The following GPC5 variants were observed in gnomAD, a reference collection of about 807,000 sequenced individuals.
GPC5 encodes glypican 5, also known as glypican-5.
GPC5 carries 47 observed loss-of-function variants against 53.9 expected under a neutral mutation model. The observed-to-expected ratio is 0.87, with a 90% confidence interval of 0.69 to 1.11. The LOEUF is 1.11. Ranked by LOEUF, GPC5 falls within the 50% of genes most tolerant of loss-of-function variation. The pLI, the probability that GPC5 is intolerant of heterozygous loss-of-function variation, is 0.00. For synonymous variants in GPC5, 286 were observed against 263.3 expected, an observed-to-expected ratio of 1.09 and a Z score of -0.84; for missense variants, 748 against 713.1, an observed-to-expected ratio of 1.05 and a Z score of -0.56.
intron 2 of GPC5, among the ~76,000 whole-genome samples, chr13:91,649,607 T>C (rs16946392): frequency 0.064 from 9,767 of 152,254 alleles, 1,051 homozygotes; most frequent in African/African-American, 0.22. Context: ...ACAGGACTTA[T>C]ATTTGCAATC....
At chr13:91,419,725 T>C (rs1878476439) in intron 1 of GPC5, among the ~76,000 whole-genome samples, 1 of 152,126 alleles carries the variant, frequency 6.6e-6, no homozygotes, top group African/African-American at 2.4e-5. Context: ...TAACAAGACG[T>C]ATTAGATTGA....
chr13:91,992,905 T>C (rs2040470293), intron 6 of GPC5, among the ~76,000 whole-genome samples: 1 of 152,140 alleles, frequency 6.6e-6, no homozygotes, highest in African/African-American at 2.4e-5. Context: ...TCATTCATGG[T>C]CACATGAAAA....
intron 6 of GPC5, among the ~76,000 whole-genome samples, chr13:92,014,371 T>C (rs1245843774): frequency 2.0e-5 from 3 of 152,218 alleles, no homozygotes; most frequent in African/African-American, 7.2e-5. Flanking sequence ...TTGGTGATCG[T>C]AATTCTTCAG....
rs78479864 is a variant in GPC5 at position 91,475,608 on chromosome 13, A to G, written c.325+26686A>G. Among the ~76,000 whole-genome samples the G allele has an allele frequency of 5.5e-3, 845 of 152,282 alleles. 8 individuals carry two copies. Among genetic ancestry groups the G allele is most frequent in the African/African-American group, 0.019 (800 of 41,566 alleles). On this transcript the variant is annotated intron_variant, in intron 2 of 7. Coordinates refer to ENST00000377067, the MANE Select transcript of GPC5 (RefSeq NM_004466.6). ...TGGCTTGGCTCTGACCTCTGAGTCC[A>G]AGCAGACACAACTGCTCCAGGGCCT...
chr13:91,851,433 C>T (rs2038911769), intron 5 of GPC5, among the ~76,000 whole-genome samples: 1 of 152,112 alleles, frequency 6.6e-6, no homozygotes, highest in African/African-American at 2.4e-5. Flanking sequence ...AAAGACATTA[C>T]TGTACACTAC....
chr13:92,640,229 A>G (rs1346846605), intron 7 of GPC5, among the ~76,000 whole-genome samples: 1 of 151,970 alleles, frequency 6.6e-6, no homozygotes, highest in African/African-American at 2.4e-5. Flanking sequence ...ATACCTTAAG[A>G]CCCATAAGTG....
intron 5 of GPC5, among the ~76,000 whole-genome samples, chr13:91,861,624 T>C (rs914798442): frequency 1.3e-5 from 2 of 151,704 alleles, no homozygotes. Context: ...ATGTTTCTGG[T>C]AGACAACATT....
chr13:92,049,201 G>A lies in GPC5; in HGVS notation c.1402-95629G>A, dbSNP rs2041007489. On this transcript the variant is annotated intron_variant, in intron 6 of 7. Transcript: ENST00000377067. ...TGACAGAGTATAATTGGGATAATCT[G>A]ATCAAAACTATATACCTAATACATA... Among the ~76,000 whole-genome samples the A allele has an allele frequency of 2.0e-5, 3 of 152,068 alleles. No individual in the cohort carries two copies. In the South Asian group the frequency reaches 6.2e-4, roughly 32 times the overall value.
chr13:91,635,460 T>C (rs988326528), intron 2 of GPC5, among the ~76,000 whole-genome samples: 1 of 152,136 alleles, frequency 6.6e-6, no homozygotes, highest in African/African-American at 2.4e-5. Context: ...TGGTTCATTT[T>C]ATAGATACAG....
At chr13:92,545,767 G>T (rs1882089048) in intron 7 of GPC5, among the ~76,000 whole-genome samples, 1 of 152,016 alleles carries the variant, frequency 6.6e-6, no homozygotes, top group East Asian at 1.9e-4. Context: ...TGATGGGGTT[G>T]TTTGTTTTTT....
At chr13:92,205,262 A>T (rs1392856857) in intron 7 of GPC5, among the ~76,000 whole-genome samples, 2 of 152,120 alleles carry the variant, frequency 1.3e-5, no homozygotes, top group Non-Finnish European at 2.9e-5. Context: ...GTGCAATGGC[A>T]TGATCTTGGA....
intron 6 of GPC5, among the ~76,000 whole-genome samples, chr13:91,984,977 A>T (rs1320320864): frequency 6.6e-6 from 1 of 152,244 alleles, no homozygotes; most frequent in Non-Finnish European, 1.5e-5. Flanking sequence ...AAGATGACAA[A>T]TTAAGCCAAA....
intron 7 of GPC5, among the ~76,000 whole-genome samples, chr13:92,190,014 C>T (rs896187292): frequency 1.3e-5 from 2 of 152,108 alleles, no homozygotes; most frequent in African/African-American, 4.8e-5. Flanking sequence ...CAGAGAACAC[C>T]AGCCAGAACA....
intron 7 of GPC5, among the ~76,000 whole-genome samples, chr13:92,561,566 T>C (rs1257613459): frequency 6.6e-6 from 1 of 152,056 alleles, no homozygotes; most frequent in Non-Finnish European, 1.5e-5. Flanking sequence ...ACAAATGTCA[T>C]TTATTCATTT....
At chr13:92,408,700 T>G (rs1875908478) in intron 7 of GPC5, among the ~76,000 whole-genome samples, 1 of 152,004 alleles carries the variant, frequency 6.6e-6, no homozygotes, top group South Asian at 2.1e-4. Context: ...TGCACACATT[T>G]TTCTATATGT....
At chr13:92,847,618 C>A (rs1878655402) in intron 7 of GPC5, among the ~76,000 whole-genome samples, 1 of 151,982 alleles carries the variant, frequency 6.6e-6, no homozygotes, top group African/African-American at 2.4e-5. Flanking sequence ...GAACCATGAG[C>A]CATTAAACCT....
chr13:91,647,660 C>T (rs1022501585), intron 2 of GPC5, among the ~76,000 whole-genome samples: 1 of 152,216 alleles, frequency 6.6e-6, no homozygotes, highest in East Asian at 1.9e-4. Context: ...TACAGTTTTG[C>T]TGAATCTTCT....
intron 6 of GPC5, among the ~76,000 whole-genome samples, chr13:91,974,006 A>G (rs527636427): frequency 2.0e-5 from 3 of 152,154 alleles, no homozygotes; most frequent in Non-Finnish European, 4.4e-5. Flanking sequence ...TACTCTCTTC[A>G]AAGTTGTCAG....
chr13:91,576,719 C>A (rs2032151017), intron 2 of GPC5, among the ~76,000 whole-genome samples: 1 of 152,126 alleles, frequency 6.6e-6, no homozygotes, highest in South Asian at 2.1e-4. Context: ...CTTCTGCCAG[C>A]AACTGTTATC....
Sources: allele counts gnomAD v4.1 joint callset (sites outside exome capture counted in the v4.1 genomes callset), GRCh38; gene constraint gnomAD v4.1.1; transcripts MANE v1.5; gene names NCBI Gene and HGNC (gene_info 2026-07-23, HGNC 2026-07-21).